Variants in MEIS3 observed in about 807,000 individuals in gnomAD.
MEIS3 encodes the protein Meis homeobox 3.
Under a neutral mutation model 51.4 loss-of-function variants are expected in MEIS3, and 38 were observed. That is an observed-to-expected ratio of 0.74 (90% CI 0.57 to 0.97). The LOEUF (loss-of-function observed/expected upper bound fraction) is 0.97, where lower values mean the gene tolerates loss of function less well. Ranked by LOEUF, MEIS3 falls within the 50% of genes least tolerant of loss-of-function variation. The probability of loss-of-function intolerance (pLI) is 0.00; values close to 1 mark genes in which losing one functional copy is unlikely to be tolerated. For synonymous variants in MEIS3, 198 were observed against 201.8 expected (o/e 0.98, Z 0.16); for missense variants, 456 against 502.6 (o/e 0.91, Z 0.89).
At chr19:47,420,940 A>ACACACACACACACTCTCTCTCTCT (rs1187725467), upstream of MEIS3, among the ~76,000 whole-genome samples, 3 of 90,998 alleles carry the variant, frequency 3.3e-5, no homozygotes, top group East Asian at 5.0e-4. Context: ...ACACACACAC[A>ACACACACACACACTCTCTCTCTCT]CTCTCTCTCT....
At chr19:47,413,119 G>A (rs1035038892) in intron 6 of MEIS3, among the ~76,000 whole-genome samples, 1 of 151,806 alleles carries the variant, frequency 6.6e-6, no homozygotes, top group African/African-American at 2.4e-5. Context: ...GGACTTGGCC[G>A]GCTGCAGTGG....
In MEIS3 at chr19:47,407,407, G is replaced by A; in HGVS notation, c.880C>T (p.Gln294Ter). Reference protein sequence around the residue: ...HLSHPYPSEEQKKQLAQDTGL... With the variant: ...HLSHPYPSEE ...GTGTCCTGCGCCAGCTGTTTCTTCT[G>A]CTCCTCCGAGGGGTACGGGTGCTGC... The change falls in exon 9 of 13, where the codon CAG becomes TAG. Residue 294 changes from glutamine (Q) to a stop codon, truncating the protein, a stop_gained. Coordinates refer to ENST00000558555, the MANE Select transcript of MEIS3 (RefSeq NM_001301059.2). LOFTEE classifies it high-confidence loss of function. 6.2e-7 allele frequency: 1 copy of A among 1,613,822 alleles called. No individual in the cohort carries two copies. The highest frequency in any genetic ancestry group is 8.5e-7 in the Non-Finnish European group (1 of 1,179,910).
At chr19:47,421,891 C>T (rs552634935), upstream of MEIS3, among the ~76,000 whole-genome samples, 7 of 151,612 alleles carry the variant, frequency 4.6e-5, no homozygotes, top group South Asian at 4.2e-4. Flanking sequence ...TCCCTCTCTC[C>T]GCCTCCCTGT....
At chr19:47,413,128 G>C (rs1234248267) in intron 6 of MEIS3, among the ~76,000 whole-genome samples, 2 of 151,736 alleles carry the variant, frequency 1.3e-5, no homozygotes, top group African/African-American at 4.8e-5. Flanking sequence ...CGGCTGCAGT[G>C]GCTCATGCCT....
chr19:47,421,803 A>C (rs1971721487), upstream of MEIS3, among the ~76,000 whole-genome samples: 1 of 135,632 alleles, frequency 7.4e-6, no homozygotes, highest in Non-Finnish European at 1.6e-5. Context: ...TCTCTGCCTC[A>C]TCTTTCTTAT....
intron 6 of MEIS3, among the ~76,000 whole-genome samples, chr19:47,409,819 C>A (rs150485808): frequency 6.7e-5 from 10 of 148,280 alleles, no homozygotes; most frequent in Admixed American, 2.0e-4. Flanking sequence ...GCCGAGATTG[C>A]GCCACTGCAC....
Position 47,415,094 on chromosome 19 carries a change from TG to T in MEIS3, c.403del (p.Gln135ArgfsTer190). 2.2e-6 allele frequency: 3 copies of T among 1,387,536 alleles called. No homozygotes were observed. The highest frequency in any genetic ancestry group is 2.8e-6 in the Non-Finnish European group (3 of 1,061,124). The allele number at this position is 1,387,536 out of a possible 1,614,324, so 86.0% of individuals were successfully genotyped here. A position where few individuals can be genotyped will look rare whatever the true frequency, so the allele number is the denominator to read the frequency against. The part of the protein sequence containing the change: ...SNPELDNLMI[Q>X]AIQVLRFHLL... ...GTGGAACCGCAGCACCTGGATGGCC[TG>T]GATCATCTGAAAACGTGGGCGGGAG... is the stretch of plus-strand genomic sequence containing the variant. On this transcript the variant is annotated frameshift_variant, in exon 5 of 13. Coordinates refer to ENST00000558555, the MANE Select transcript of MEIS3 (RefSeq NM_001301059.2). LOFTEE classifies it high-confidence loss of function.
chr19:47,422,212 C>T (rs906949858), upstream of MEIS3, among the ~76,000 whole-genome samples: 1 of 152,010 alleles, frequency 6.6e-6, no homozygotes, highest in African/African-American at 2.4e-5. Flanking sequence ...TCAGCGGTGG[C>T]GGGAAGGACC....
chr19:47,408,506 C>T (rs748262839), intron 8 of MEIS3, among the ~76,000 whole-genome samples: 2 of 152,122 alleles, frequency 1.3e-5, no homozygotes, highest in African/African-American at 4.8e-5. Context: ...ATCTCTCTCT[C>T]TCTCTGGGAT....
chr19:47,404,301 A>T (rs977556642), intron 12 of MEIS3, among the ~76,000 whole-genome samples: 1 of 151,872 alleles, frequency 6.6e-6, no homozygotes. Flanking sequence ...CCCTACCCAC[A>T]CTTGGCCATG....
intron 11 of MEIS3, 113 bp from the exon 12 acceptor site, chr19:47,406,639 G>T: frequency 9.1e-7 from 1 of 1,095,284 alleles, no homozygotes; most frequent in Non-Finnish European, 1.4e-6. Flanking sequence ...AGGATAGACT[G>T]AGTCATAAGA....
chr19:47,420,521 CAG>C (rs148696106), upstream of MEIS3, among the ~76,000 whole-genome samples: 24,280 of 134,688 alleles, frequency 0.18, 2,284 homozygotes, highest in African/African-American at 0.26. Context: ...CGGTGTGATT[CAG>C]AGAGAGAGAG....
chr19:47,410,367 G>C (rs1230463137), intron 6 of MEIS3, among the ~76,000 whole-genome samples: 1 of 150,932 alleles, frequency 6.6e-6, no homozygotes, highest in Non-Finnish European at 1.5e-5. Context: ...AGAATCGCTT[G>C]AACCCGGGAG....
intron 4 of MEIS3, 43 bp from the exon 5 acceptor site, chr19:47,415,144 G>T (rs1481531414): frequency 1.8e-6 from 2 of 1,139,706 alleles, no homozygotes; most frequent in Admixed American, 2.0e-5. Flanking sequence ...GAGGGAATTG[G>T]GGGAGGGAGC....
intron 6 of MEIS3, 65 bp from the exon 7 acceptor site, chr19:47,409,612 C>T: frequency 8.3e-7 from 1 of 1,199,156 alleles, no homozygotes; most frequent in Non-Finnish European, 1.2e-6. Flanking sequence ...GCCTGTAATC[C>T]CAGCACTTTG....
intron 6 of MEIS3, among the ~76,000 whole-genome samples, chr19:47,412,629 T>G (rs934716060): frequency 6.6e-6 from 1 of 152,200 alleles, no homozygotes; most frequent in Admixed American, 6.5e-5. Flanking sequence ...TAGCGCGATC[T>G]TGGCTCACTG....
At chr19:47,415,635 G>A (rs1971375227) in intron 4 of MEIS3, among the ~76,000 whole-genome samples, 1 of 146,228 alleles carries the variant, frequency 6.8e-6, no homozygotes, top group Admixed American at 7.0e-5. Flanking sequence ...ATGCAGTGGT[G>A]TGATCTTGGC....
chr19:47,403,190 G>A lies in MEIS3; in HGVS notation c.*381C>T, dbSNP rs558659350. On this transcript the variant is annotated 3_prime_UTR_variant, in exon 13 of 13. Transcript: ENST00000558555. ...TAGAGAAGGGAGGTAGGGGGGACAG[G>A]AGAGTGAAGGAATCTCTCCAAAATG... The A allele has an allele frequency of 7.2e-6, 2 of 275,966 alleles. No homozygotes were observed. The highest frequency in any genetic ancestry group is 5.8e-5 in the South Asian group (2 of 34,602). The allele number at this position is 275,966 out of a possible 1,614,324, so 17.1% of individuals were successfully genotyped here. A position where few individuals can be genotyped will look rare whatever the true frequency, so the allele number is the denominator to read the frequency against.
chr19:47,421,921 C>G (rs903091241), upstream of MEIS3, among the ~76,000 whole-genome samples: 1 of 151,740 alleles, frequency 6.6e-6, no homozygotes, highest in Admixed American at 6.6e-5. Flanking sequence ...CGTATCCTCC[C>G]TGGGCTTCTG....
Sources: allele counts gnomAD v4.1 joint callset (sites outside exome capture counted in the v4.1 genomes callset), GRCh38; gene constraint gnomAD v4.1.1; transcripts MANE v1.5; gene names NCBI Gene and HGNC (gene_info 2026-07-23, HGNC 2026-07-21).